The following KIAA0408 variants were observed in gnomAD, a reference collection of about 807,000 sequenced individuals.
The protein encoded by KIAA0408 is uncharacterized protein KIAA0408.
In KIAA0408, 51 loss-of-function variants were observed where a neutral mutation model predicts 60.9. The observed-to-expected ratio is 0.84, with a 90% CI of 0.67 to 1.06. KIAA0408 has a LOEUF of 1.06. Among genes scored for constraint, KIAA0408 ranks in the 50% least tolerant of loss-of-function variants. The pLI, the probability that KIAA0408 is intolerant of heterozygous loss-of-function variation, is 0.00. For missense variants in KIAA0408, 787 were observed against 833.9 expected, an observed-to-expected ratio of 0.94 and a Z score of 0.69; for synonymous variants, 304 against 282.4, an observed-to-expected ratio of 1.08 and a Z score of -0.77.
chr6:127,440,515 G>A lies in KIAA0408; in HGVS notation c.*3594C>T, dbSNP rs1429582120. 1 of 151,696 alleles carries A rather than the reference G, an allele frequency of 6.6e-6. No individual in the cohort carries two copies. Among genetic ancestry groups the A allele is most frequent in the African/African-American group, 2.4e-5 (1 of 41,284 alleles). 9.4% of individuals were successfully genotyped at this position (151,696 alleles called of 1,614,324 possible). A position where few individuals can be genotyped will look rare whatever the true frequency, so the allele number is the denominator to read the frequency against. On this transcript the variant is annotated 3_prime_UTR_variant, in exon 6 of 6. Transcript: ENST00000483725. ...AATTTTTTGTATTTTTAGCAGAGAG[G>A]GGGTTTCACCGTGATGAAACCAGGA...
intron 1 of KIAA0408, among the ~76,000 whole-genome samples, chr6:127,454,986 AGT>A (rs1235644549): frequency 4.6e-5 from 7 of 152,114 alleles, no homozygotes; most frequent in African/African-American, 1.7e-4. Flanking sequence ...TCTGGGATTT[AGT>A]TTTTTGCATT....
chr6:127,451,704 C>T (rs1176294173), intron 2 of KIAA0408, among the ~76,000 whole-genome samples: 1 of 152,124 alleles, frequency 6.6e-6, no homozygotes, highest in Non-Finnish European at 1.5e-5. Context: ...CTCACTGGTA[C>T]ATTTCATATA....
chr6:127,453,785 C>G (rs1360716316), intron 2 of KIAA0408, 62 bp downstream of exon 2: 53 of 1,554,804 alleles, frequency 3.4e-5, no homozygotes, highest in Non-Finnish European at 4.6e-5. Flanking sequence ...TACAAAACAG[C>G]CCACAGAATT....
rs1773117665 is a variant in KIAA0408 at position 127,442,213 on chromosome 6, C to T, written c.*1896G>A. On this transcript the variant is annotated 3_prime_UTR_variant, in exon 6 of 6. Coordinates refer to ENST00000483725, the MANE Select transcript of KIAA0408 (RefSeq NM_014702.5). ...ATTTTTTAAAGAGATCCTCAATATT[C>T]TAAGGAACCACAGATCATACCAGAC... 1 of 152,168 alleles carries T rather than the reference C, an allele frequency of 6.6e-6. No individual in the cohort carries two copies. The allele number at this position is 152,168 out of a possible 1,614,324, so 9.4% of individuals were successfully genotyped here.
chr6:127,453,324 G>A (rs1773334247), intron 2 of KIAA0408, among the ~76,000 whole-genome samples: 1 of 151,852 alleles, frequency 6.6e-6, no homozygotes, highest in African/African-American at 2.4e-5. Context: ...CACTAAATGT[G>A]CACACCTTGA....
In KIAA0408 at chr6:127,441,021, C is replaced by T. The variant is rs912087382; in HGVS notation, c.*3088G>A. 1.3e-5 allele frequency: 2 copies of T among 152,116 alleles called. No homozygotes were observed. Among genetic ancestry groups the T allele is most frequent in the African/African-American group, 2.4e-5 (1 of 41,420 alleles). The allele number at this position is 152,116 out of a possible 1,614,324, so 9.4% of individuals were successfully genotyped here. A position where few individuals can be genotyped will look rare whatever the true frequency, so the allele number is the denominator to read the frequency against. On this transcript the variant is annotated 3_prime_UTR_variant, in exon 6 of 6. Coordinates refer to ENST00000483725, the MANE Select transcript of KIAA0408 (RefSeq NM_014702.5). Reference sequence around the variant, plus strand: ...AAAATGAGGGAAAGAAAAATGTTCTCGATGTATACAAATGCCACAGACAGT... The same window carrying T: ...AAAATGAGGGAAAGAAAAATGTTCTTGATGTATACAAATGCCACAGACAGT...
chr6:127,459,074 C>G (rs1364872875), intron 1 of KIAA0408, 101 bp downstream of exon 1: 8 of 152,234 alleles, frequency 5.3e-5, no homozygotes, highest in African/African-American at 1.9e-4. Flanking sequence ...AATTACACTC[C>G]ACTTAAACAG....
rs538154623 is a variant in KIAA0408, at chr6:127,449,687, A to G, written c.578+135T>C. On this transcript the variant is annotated intron_variant, in intron 4 of 5. Coordinates refer to ENST00000483725, the MANE Select transcript of KIAA0408 (RefSeq NM_014702.5). ...GAGCAAACAAAAAATTAAAGTTTCT[A>G]TCTCCCACCCTAGATAGTACATTTT... 5.0e-6 allele frequency: 6 copies of G among 1,192,228 alleles called. No homozygotes were observed. In the African/African-American group the frequency reaches 9.3e-5, roughly 18 times the overall value. The allele number at this position is 1,192,228 out of a possible 1,614,324, so 73.9% of individuals were successfully genotyped here. A position where few individuals can be genotyped will look rare whatever the true frequency, so the allele number is the denominator to read the frequency against.
At chr6:127,444,502 C>G (rs984192686) in intron 5 of KIAA0408, among the ~76,000 whole-genome samples, 2 of 152,138 alleles carry the variant, frequency 1.3e-5, no homozygotes, top group African/African-American at 2.4e-5. Flanking sequence ...TTGTACCTTT[C>G]CTTACACTGA....
At chr6:127,450,553 T>C (rs1773285108) in intron 2 of KIAA0408, 5 of 710,648 alleles carry the variant, frequency 7.0e-6, no homozygotes, top group Non-Finnish European at 1.0e-5. Flanking sequence ...AGGCTACTTT[T>C]AGTAGGGCAA....
At position 127,443,355 on chromosome 6, in the gene KIAA0408, G is replaced by A. The variant is rs1441857496; in HGVS notation, c.*754C>T. On this transcript the variant is annotated 3_prime_UTR_variant, in exon 6 of 6. Coordinates refer to ENST00000483725, the MANE Select transcript of KIAA0408 (RefSeq NM_014702.5). ...TCTGAGGATCAAATATTCAGTTAAA[G>A]CCATACTAGACTACCAAATAATATA... 1 of 152,030 alleles carries A rather than the reference G, an allele frequency of 6.6e-6. No homozygotes were observed. The highest frequency in any genetic ancestry group is 2.4e-5 in the African/African-American group (1 of 41,400). The allele number at this position is 152,030 out of a possible 1,614,324, so 9.4% of individuals were successfully genotyped here. A position where few individuals can be genotyped will look rare whatever the true frequency, so the allele number is the denominator to read the frequency against.
intron 1 of KIAA0408, among the ~76,000 whole-genome samples, chr6:127,456,790 G>T (rs528343842): frequency 1.3e-5 from 2 of 151,928 alleles, no homozygotes; most frequent in Non-Finnish European, 2.9e-5. Context: ...GTGGTGGGGG[G>T]GGGGCATAGA....
At chr6:127,454,194 A>G in intron 1 of KIAA0408, 93 bp from the exon 2 acceptor site, 1 of 1,195,966 alleles carries the variant, frequency 8.4e-7, no homozygotes, top group Non-Finnish European at 1.0e-6. Context: ...TAAACAAACT[A>G]TAGGAAAATT....
intron 5 of KIAA0408, among the ~76,000 whole-genome samples, chr6:127,446,187 T>G (rs927641314): frequency 1.3e-5 from 2 of 152,178 alleles, no homozygotes; most frequent in Admixed American, 1.3e-4. Context: ...TGTTATCCCA[T>G]TTCAGAATTT....
Position 127,450,330 on chromosome 6 carries a change from C to G in KIAA0408, c.158G>C (p.Trp53Ser). 3.1e-6 allele frequency: 5 copies of G among 1,599,884 alleles called. No homozygotes were observed. The highest frequency in any genetic ancestry group is 4.3e-6 in the Non-Finnish European group (5 of 1,175,486). ...ACTTTCATTGATATTGATTTTCCTCCAAAGCTTTACTTCCCGGCAAAGCTG... is the reference window on the plus strand; with the variant it reads ...ACTTTCATTGATATTGATTTTCCTCGAAAGCTTTACTTCCCGGCAAAGCTG... Reference protein sequence around the residue: ...IEELCREVKLWRKININESAK... With the variant: ...IEELCREVKLSRKININESAK... The change falls in exon 3 of 6, where the codon TGG becomes TCG. Residue 53 changes from tryptophan (W) to serine (S), a missense_variant. Physicochemically the swap from Trp to Ser is radical, Grantham distance 177. Around this residue, in one of 3 missense-constraint regions of KIAA0408, gnomAD observed 640 missense variants for 681.3 expected, o/e 0.94. Coordinates refer to ENST00000483725, the MANE Select transcript of KIAA0408 (RefSeq NM_014702.5).
At chr6:127,448,273 T>A (rs1310443451) in intron 4 of KIAA0408, among the ~76,000 whole-genome samples, 1 of 152,084 alleles carries the variant, frequency 6.6e-6, no homozygotes, top group Non-Finnish European at 1.5e-5. Context: ...AGTAAAAATT[T>A]TTTGGATGAC....
At chr6:127,444,332 G>A in intron 5 of KIAA0408, 50 bp from the exon 6 acceptor site, 1 of 1,431,220 alleles carries the variant, frequency 7.0e-7, no homozygotes, top group Non-Finnish European at 9.4e-7. Flanking sequence ...ACCAACAATA[G>A]GCTTAATATA....
At chr6:127,451,698 C>T (rs1434359942) in intron 2 of KIAA0408, among the ~76,000 whole-genome samples, 1 of 152,176 alleles carries the variant, frequency 6.6e-6, no homozygotes, top group African/African-American at 2.4e-5. Context: ...GAAAGACTCA[C>T]TGGTACATTT....
At chr6:127,452,933 A>G (rs930290923) in intron 2 of KIAA0408, among the ~76,000 whole-genome samples, 1 of 152,086 alleles carries the variant, frequency 6.6e-6, no homozygotes, top group African/African-American at 2.4e-5. Flanking sequence ...CTTAATAGTT[A>G]CTTTTCTTCA....
Sources: gnomAD v4.1 joint callset for allele counts (sites outside exome capture counted in the v4.1 genomes callset) on GRCh38, gnomAD v4.1.1 for gene constraint, gnomAD v4.1.1 regional missense constraint, MANE v1.5 for transcripts, NCBI Gene and HGNC (gene_info 2026-07-23, HGNC 2026-07-21) for gene names.